CFAP299: variants seen among roughly 807,000 people sequenced by gnomAD.
CFAP299 encodes the protein cilia and flagella associated protein 299.
A neutral mutation model predicts 27.0 loss-of-function variants in CFAP299; 21 were observed. The ratio of observed to expected loss-of-function variants is 0.78; its 90% CI spans 0.55 to 1.12. The LOEUF (loss-of-function observed/expected upper bound fraction) is 1.12. Among genes scored for constraint, CFAP299 ranks in the 50% most tolerant of loss-of-function variants. The probability of loss-of-function intolerance (pLI) is 0.00; values close to 1 mark genes in which losing one functional copy is unlikely to be tolerated. For missense variants in CFAP299, 310 were observed against 276.6 expected (o/e 1.12, Z -0.86); for synonymous variants, 104 against 98.1 (o/e 1.06, Z -0.36).
intron 2 of CFAP299, among the ~76,000 whole-genome samples, chr4:80,547,911 C>T (rs1198180417): frequency 6.6e-6 from 1 of 151,840 alleles, no homozygotes; most frequent in Non-Finnish European, 1.5e-5. Context: ...AAGGGAACAC[C>T]TATACTCTGC....
chr4:80,559,872 C>T (rs1283577404), intron 2 of CFAP299, among the ~76,000 whole-genome samples: 1 of 152,158 alleles, frequency 6.6e-6, no homozygotes, highest in Non-Finnish European at 1.5e-5. Flanking sequence ...CTCTGTGTCT[C>T]CAAGTAAACT....
chr4:80,749,125 A>G (rs1033431398), intron 3 of CFAP299, among the ~76,000 whole-genome samples: 1 of 152,186 alleles, frequency 6.6e-6, no homozygotes, highest in Non-Finnish European at 1.5e-5. Flanking sequence ...GAAAGAGAAT[A>G]TTCACCTGTA....
At chr4:80,387,760 T>G in intron 2 of CFAP299, 1 of 1,588,108 alleles carries the variant, frequency 6.3e-7, no homozygotes, top group Non-Finnish European at 8.6e-7. Flanking sequence ...CAGGTCGAAG[T>G]TTTTGGTGAA....
rs541624733 is a variant in CFAP299, at chr4:80,398,234, A to C, written c.242+35350A>C. ...CATTCCATGCTCATGGATAGGAAGA[A>C]TCAATATCGTGAAAATGGCCATACT... On this transcript the variant is annotated intron_variant, in intron 2 of 5. Coordinates refer to ENST00000358105, the MANE Select transcript of CFAP299 (RefSeq NM_152770.3). Among the ~76,000 whole-genome samples, 196 of 152,346 alleles carry C rather than the reference A, an allele frequency of 1.3e-3. 1 individual carries two copies. The highest frequency in any genetic ancestry group is 3.5e-3 in the South Asian group (17 of 4,832).
chr4:80,322,017 G>A, the CFAP299 span, among the ~76,000 whole-genome samples: 1 of 152,156 alleles, frequency 6.6e-6, no homozygotes, highest in Non-Finnish European at 1.5e-5. Context: ...CCAAGGAGAT[G>A]GGGAAGTGCA....
Position 80,604,214 on chromosome 4 carries a change from G to A in CFAP299, c.333+21031G>A, listed in dbSNP as rs534965697. 4.6e-5 allele frequency among the ~76,000 whole-genome samples: 7 copies of A among 152,090 alleles called. No homozygotes were observed. The East Asian group carries it at 7.7e-4, about 17-fold the overall frequency. On this transcript the variant is annotated intron_variant, in intron 3 of 5. Transcript: ENST00000358105. The stretch of plus-strand genomic sequence containing the variant: ...ACTCACATTTCAAAAGCTGGATTTC[G>A]GGGAGAGGAAATATCTTTTGATTGT...
intron 3 of CFAP299, among the ~76,000 whole-genome samples, chr4:80,683,395 G>T (rs1719968505): frequency 6.6e-6 from 1 of 151,982 alleles, no homozygotes; most frequent in Admixed American, 6.6e-5. Flanking sequence ...AGTTCCTTTT[G>T]GTTATTTAAT....
At chr4:80,448,061 T>A (rs1379852246) in intron 2 of CFAP299, among the ~76,000 whole-genome samples, 1 of 152,202 alleles carries the variant, frequency 6.6e-6, no homozygotes, top group African/African-American at 2.4e-5. Context: ...GTAGAACAGA[T>A]CTGTATGTTG....
intron 3 of CFAP299, among the ~76,000 whole-genome samples, chr4:80,644,493 G>T (rs1397046685): frequency 6.6e-6 from 1 of 152,122 alleles, no homozygotes; most frequent in Non-Finnish European, 1.5e-5. Flanking sequence ...ATTTCATTCA[G>T]TGGTTCTTTC....
At chr4:80,522,550 G>T (rs1189287307) in intron 2 of CFAP299, among the ~76,000 whole-genome samples, 1 of 151,826 alleles carries the variant, frequency 6.6e-6, no homozygotes, top group Non-Finnish European at 1.5e-5. Flanking sequence ...CCTGTGTTTT[G>T]GTGTCATACA....
rs895227753 is a variant in CFAP299, at chr4:80,870,441, G to T, written c.476+306G>T. 9 of 1,041,784 alleles carry T rather than the reference G, an allele frequency of 8.6e-6. No individual in the cohort carries two copies. The African/African-American group carries it at 1.5e-4, about 18-fold the overall frequency. 64.5% of individuals were successfully genotyped at this position (1,041,784 alleles called of 1,614,324 possible). A position where few individuals can be genotyped will look rare whatever the true frequency, so the allele number is the denominator to read the frequency against. ...AGGCTTTTGCAGCACTTGGGACTTG[G>T]TCTGTCCAGAAGCCTCAAGAACTGC... On this transcript the variant is annotated intron_variant, in intron 4 of 5. Transcript: ENST00000358105.
At chr4:80,591,874 C>T (rs1462884946) in intron 3 of CFAP299, among the ~76,000 whole-genome samples, 3 of 152,202 alleles carry the variant, frequency 2.0e-5, no homozygotes, top group Non-Finnish European at 4.4e-5. Context: ...ACATTAACTA[C>T]AACCTTAAAA....
chr4:80,680,596 T>C (rs1252380516), intron 3 of CFAP299, among the ~76,000 whole-genome samples: 3 of 152,162 alleles, frequency 2.0e-5, no homozygotes, highest in Non-Finnish European at 4.4e-5. Context: ...TGGACAAAGA[T>C]GGTTTCATAG....
At chr4:80,892,861 C>T (rs971636304) in intron 4 of CFAP299, among the ~76,000 whole-genome samples, 1 of 151,928 alleles carries the variant, frequency 6.6e-6, no homozygotes, top group Non-Finnish European at 1.5e-5. Flanking sequence ...CAATATAGTA[C>T]TGAAAATTCA....
chr4:80,570,881 G>T (rs759510585), intron 2 of CFAP299, among the ~76,000 whole-genome samples: 1 of 152,018 alleles, frequency 6.6e-6, no homozygotes, highest in Non-Finnish European at 1.5e-5. Flanking sequence ...TGAAAATGAG[G>T]TACAGCTACA....
chr4:80,435,260 C>A (rs1057154121), intron 2 of CFAP299, among the ~76,000 whole-genome samples: 1 of 152,094 alleles, frequency 6.6e-6, no homozygotes, highest in Non-Finnish European at 1.5e-5. Flanking sequence ...GTATTGCTTT[C>A]CCACCCAAAC....
At chr4:80,570,506 A>G (rs1264640202) in intron 2 of CFAP299, among the ~76,000 whole-genome samples, 1 of 152,112 alleles carries the variant, frequency 6.6e-6, no homozygotes, top group East Asian at 1.9e-4. Flanking sequence ...ATGACAAAAC[A>G]TCAATAAAAA....
intron 2 of CFAP299, among the ~76,000 whole-genome samples, chr4:80,513,891 A>G (rs1290286573): frequency 1.3e-5 from 2 of 152,138 alleles, no homozygotes; most frequent in Non-Finnish European, 2.9e-5. Flanking sequence ...AAATCATACC[A>G]TTAAAATATT....
At chr4:80,817,078 T>TAA (rs1729457383) in intron 3 of CFAP299, among the ~76,000 whole-genome samples, 5 of 152,084 alleles carry the variant, frequency 3.3e-5, no homozygotes, top group African/African-American at 1.2e-4. Context: ...AGCTGCTTTG[T>TAA]CCCAGGTTAG....
Sources: allele counts gnomAD v4.1 joint callset (sites outside exome capture counted in the v4.1 genomes callset), GRCh38; gene constraint gnomAD v4.1.1; transcripts MANE v1.5; gene names NCBI Gene and HGNC (gene_info 2026-07-23, HGNC 2026-07-21).